TCIRG1: variants seen among roughly 807,000 people sequenced by gnomAD.
The protein encoded by TCIRG1 is T cell immune regulator 1, ATPase H+ transporting V0 subunit a3.
A neutral mutation model predicts 95.5 loss-of-function variants in TCIRG1; 86 were observed. That is an observed-to-expected ratio of 0.90 (90% confidence interval 0.76 to 1.08). The LOEUF (loss-of-function observed/expected upper bound fraction) is 1.08. TCIRG1 is among the 50% of genes least tolerant of loss of function. The pLI is 0.00. For synonymous variants in TCIRG1, 499 were observed against 501.3 expected (o/e 1.00, Z 0.06); for missense variants, 1,069 against 1,140.2 (o/e 0.94, Z 0.90).
At position 68,041,784 on chromosome 11, in the gene TCIRG1, G is replaced by T; in HGVS notation, c.149G>T (p.Arg50Leu). Residue 50 changes from arginine to leucine, a missense_variant, in exon 3 of 20, where the codon CGC becomes CTC. Coordinates refer to ENST00000265686, the MANE Select transcript of TCIRG1 (RefSeq NM_006019.4). ...LNASVSAFQR[R>L]FVVDVRRCEE... ...GCCTCGGTGAGCGCCTTCCAGAGAC[G>T]CTTTGTGGTTGATGTTCGGCGCTGT... The T allele has an allele frequency of 6.2e-7, 1 of 1,610,812 alleles. No homozygotes were observed. Among genetic ancestry groups the T allele is most frequent in the Non-Finnish European group, 8.5e-7 (1 of 1,178,764 alleles).
chr11:68,045,120 C>T lies in TCIRG1; in HGVS notation c.1165+18C>T, dbSNP rs775398151. On this transcript the variant is annotated intron_variant, in intron 10 of 19. Coordinates refer to ENST00000265686, the MANE Select transcript of TCIRG1 (RefSeq NM_006019.4). ...CAACCCCGGTGAGAGCCACGGCATC[C>T]TTACCCGTGTCCTGGGAGGCTCAGC... The T allele has an allele frequency of 6.3e-7, 1 of 1,599,396 alleles. No homozygotes were observed. Among genetic ancestry groups the T allele is most frequent in the South Asian group, 1.1e-5 (1 of 91,088 alleles).
downstream of TCIRG1, among the ~76,000 whole-genome samples, chr11:68,052,594 AG>A (rs1453667343): frequency 2.8e-4 from 42 of 152,356 alleles, no homozygotes; most frequent in African/African-American, 9.6e-4. Flanking sequence ...CCCAGGCACC[AG>A]CACTGCTCCC....
rs773690722 is a variant in TCIRG1 at position 68,042,959 on chromosome 11, A to G, written c.431A>G (p.His144Arg). ...QGHEPQLAAA[H>R]TDGASERTPL... is the part of the protein sequence containing the mutation. The stretch of plus-strand genomic sequence containing the variant: ...CTGGGTTCCTAGCTGGCAGCCGCCC[A>G]CACAGATGGGGCCTCAGAGAGGACG... Residue 144 changes from histidine to arginine, a missense_variant, in exon 5 of 20, where the codon CAC (histidine) becomes CGC (arginine). Physicochemically the swap from His to Arg is conservative, Grantham distance 29. Coordinates refer to ENST00000265686, the MANE Select transcript of TCIRG1 (RefSeq NM_006019.4). 3.2e-6 allele frequency: 5 copies of G among 1,554,556 alleles called. No homozygotes were observed. The Admixed American group carries it at 7.7e-5, about 24-fold the overall frequency.
At chr11:68,049,882 G>A in intron 16 of TCIRG1, 80 bp from the exon 17 acceptor site, 1 of 1,557,646 alleles carries the variant, frequency 6.4e-7, no homozygotes, top group Non-Finnish European at 8.7e-7. Context: ...AGACTCCTGA[G>A]TGGCCAGGAG....
At chr11:68,043,130 T>A in intron 5 of TCIRG1, 99 bp downstream of exon 5, 1 of 1,542,764 alleles carries the variant, frequency 6.5e-7, no homozygotes, top group Non-Finnish European at 8.7e-7. Flanking sequence ...TGTCCAGTGC[T>A]CTCCCCAGGC....
At chr11:68,048,782 G>T (rs765886440) in intron 13 of TCIRG1, 97 bp from the exon 14 acceptor site, 1 of 954,288 alleles carries the variant, frequency 1.0e-6, no homozygotes, top group South Asian at 1.3e-5. Flanking sequence ...CTCCGAGGGG[G>T]AAAACAGGGT....
At chr11:68,047,035 A>AG in intron 10 of TCIRG1, 1 of 388,254 alleles carries the variant, frequency 2.6e-6, no homozygotes, top group Non-Finnish European at 4.8e-6. Context: ...TCGGAGACAG[A>AG]ATCTTCGCTC....
chr11:68,051,769 G>A (rs1331450603), downstream of TCIRG1, among the ~76,000 whole-genome samples: 1 of 152,232 alleles, frequency 6.6e-6, no homozygotes, highest in Admixed American at 6.5e-5. Context: ...GAAGGACTCC[G>A]GAGAGCTGCA....
At position 68,042,984 on chromosome 11, in the gene TCIRG1, G is replaced by C. The variant is rs766333949; in HGVS notation, c.456G>C (p.Thr152=). ...AAHTDGASER[T]PLLQAPGGPH... ...ACACAGATGGGGCCTCAGAGAGGAC[G>C]CCCCTGCTCCAGGCCCCCGGGGGGC... Residue 152 remains threonine, a synonymous_variant, in exon 5 of 20, where the codon ACG becomes ACC. Coordinates refer to ENST00000265686, the MANE Select transcript of TCIRG1 (RefSeq NM_006019.4). The C allele has an allele frequency of 3.2e-6, 5 of 1,554,846 alleles. No homozygotes were observed. In the South Asian group the frequency reaches 4.7e-5, roughly 15 times the overall value.
intron 14 of TCIRG1, 40 bp from the exon 15 acceptor site, chr11:68,049,041 G>A (rs761222825): frequency 6.2e-7 from 1 of 1,612,938 alleles, no homozygotes; most frequent in South Asian, 1.1e-5. Flanking sequence ...TGGCAGGCCA[G>A]AGTGGGCCCC....
intron 15 of TCIRG1, 125 bp from the exon 16 acceptor site, chr11:68,049,538 A>G (rs2134462042): frequency 7.4e-7 from 1 of 1,347,832 alleles, no homozygotes; most frequent in Non-Finnish European, 1.0e-6. Context: ...GAGGGCACGG[A>G]GCCCCCGGGG....
intron 3 of TCIRG1, 64 bp downstream of exon 3, chr11:68,041,895 T>G: frequency 6.9e-7 from 1 of 1,450,146 alleles, no homozygotes; most frequent in Admixed American, 1.9e-5. Flanking sequence ...CCAAGTTTGA[T>G]CTGAAAGGAA....
chr11:68,041,198 C>A, intron 1 of TCIRG1, 70 bp from the exon 2 acceptor site: 3 of 1,008,274 alleles, frequency 3.0e-6, no homozygotes, highest in Non-Finnish European at 4.8e-6. Context: ...AGTGAAGGTG[C>A]ACAGGTGCCC....
intron 10 of TCIRG1, 29 bp from the exon 11 acceptor site, chr11:68,047,404 G>C (rs764673130): frequency 6.2e-7 from 1 of 1,613,040 alleles, no homozygotes; most frequent in East Asian, 2.2e-5. Flanking sequence ...GTGTTCGGGG[G>C]TTCCCAGCTC....
chr11:68,048,036 C>T, intron 13 of TCIRG1, 64 bp downstream of exon 13: 5 of 1,448,500 alleles, frequency 3.5e-6, no homozygotes, highest in East Asian at 2.3e-5. Flanking sequence ...CTGGGGCTCC[C>T]CTCGGTTCAG....
Position 68,047,946 on chromosome 11 carries a change from G to A in TCIRG1, c.1528G>A (p.Gly510Arg), listed in dbSNP as rs868702370. ...TCCCAACGTCACCGGTGTCTTCCTG[G>A]GACCCTACCCCTTTGGCATCGATCC... is the stretch of plus-strand genomic sequence containing the variant. ...LDPNVTGVFLGPYPFGIDPIW... is the reference protein window; with the variant it reads ...LDPNVTGVFLRPYPFGIDPIW... The change falls in exon 13 of 20, where the codon GGA becomes AGA. Residue 510 changes from glycine to arginine, a missense_variant. Coordinates refer to ENST00000265686, the MANE Select transcript of TCIRG1 (RefSeq NM_006019.4). 8 of 1,613,824 alleles carry A rather than the reference G, an allele frequency of 5.0e-6. No individual in the cohort carries two copies. In the Middle Eastern group the frequency reaches 9.9e-4, roughly 200 times the overall value.
At chr11:68,048,303 T>G in intron 13 of TCIRG1, 1 of 420,134 alleles carries the variant, frequency 2.4e-6, no homozygotes, top group Non-Finnish European at 4.4e-6. Flanking sequence ...TTTCTTTTTT[T>G]TATTTTTGGA....
At chr11:68,041,530 A>G in intron 2 of TCIRG1, 142 bp downstream of exon 2, 1 of 744,602 alleles carries the variant, frequency 1.3e-6, no homozygotes, top group South Asian at 1.7e-5. Flanking sequence ...GGCACTGCTC[A>G]TGGGAAGCCC....
Position 68,042,987 on chromosome 11 carries a change from C to T in TCIRG1, c.459C>T (p.Pro153=), listed in dbSNP as rs753699657. Residue 153 remains proline, a synonymous_variant, in exon 5 of 20, where the codon CCC becomes CCT. Coordinates refer to ENST00000265686, the MANE Select transcript of TCIRG1 (RefSeq NM_006019.4). ...CAGATGGGGCCTCAGAGAGGACGCC[C>T]CTGCTCCAGGCCCCCGGGGGGCCGC... ...AHTDGASERT[P]LLQAPGGPHQ... is the part of the protein sequence containing the mutation. 14 of 1,554,708 alleles carry T rather than the reference C, an allele frequency of 9.0e-6. No individual in the cohort carries two copies. The highest frequency in any genetic ancestry group is 1.2e-5 in the South Asian group (1 of 84,500).
Sources: gnomAD v4.1 joint callset for allele counts (sites outside exome capture counted in the v4.1 genomes callset) on GRCh38, gnomAD v4.1.1 for gene constraint, MANE v1.5 for transcripts, NCBI Gene and HGNC (gene_info 2026-07-23, HGNC 2026-07-21) for gene names.